Variants in RNLS observed in about 807,000 individuals in gnomAD.
RNLS encodes the protein renalase.
RNLS carries 39 observed loss-of-function variants against 39.8 expected under a neutral mutation model. The observed-to-expected ratio is 0.98, with a 90% CI of 0.76 to 1.28. The LOEUF (loss-of-function observed/expected upper bound fraction) is 1.28. Ranked by LOEUF, RNLS falls within the 50% of genes most tolerant of loss-of-function variation. RNLS has a pLI of 0.00. For synonymous variants in RNLS, 147 were observed against 150.7 expected, an observed-to-expected ratio of 0.98 and a Z score of 0.18; for missense variants, 410 against 413.3, an observed-to-expected ratio of 0.99 and a Z score of 0.07.
chr10:88,232,507 T>C, the RNLS span, among the ~76,000 whole-genome samples: 1 of 152,190 alleles, frequency 6.6e-6, no homozygotes, highest in African/African-American at 2.4e-5. Context: ...ACTCCAACTC[T>C]TGGGCTCAAG....
intron 5 of RNLS, among the ~76,000 whole-genome samples, chr10:88,352,252 G>A (rs1848772394): frequency 6.6e-6 from 1 of 152,170 alleles, no homozygotes; most frequent in South Asian, 2.1e-4. Context: ...TAGGAGTGGT[G>A]AGAGAGGGCA....
intron 6 of RNLS, among the ~76,000 whole-genome samples, chr10:88,275,534 A>AAATTGTGAT (rs1415106870): frequency 3.3e-5 from 5 of 152,216 alleles, no homozygotes; most frequent in African/African-American, 4.8e-5. Flanking sequence ...ATGGACAAAT[A>AAATTGTGAT]AATTGTGATA....
At chr10:88,436,228 A>G (rs2133828416) in intron 4 of RNLS, among the ~76,000 whole-genome samples, 1 of 152,286 alleles carries the variant, frequency 6.6e-6, no homozygotes, top group South Asian at 2.1e-4. Context: ...TGATAAGGTA[A>G]CTTACCTTTA....
the RNLS span, among the ~76,000 whole-genome samples, chr10:88,198,693 C>T: frequency 2.0e-5 from 3 of 152,202 alleles, no homozygotes; most frequent in East Asian, 3.9e-4. Context: ...CTCTTTCTTC[C>T]TCCTGCTCCA....
intron 4 of RNLS, among the ~76,000 whole-genome samples, chr10:88,416,874 G>A (rs1217072473): frequency 6.6e-6 from 1 of 152,128 alleles, no homozygotes; most frequent in Non-Finnish European, 1.5e-5. Flanking sequence ...AGAATATTGG[G>A]GCCCCAAGAT....
intron 4 of RNLS, among the ~76,000 whole-genome samples, chr10:88,448,718 C>G (rs1237411909): frequency 6.6e-6 from 1 of 152,216 alleles, no homozygotes; most frequent in African/African-American, 2.4e-5. Context: ...TATTGAGGCA[C>G]TGTTCACAAT....
chr10:88,421,469 CAGTTCTA>C (rs1256328433), intron 4 of RNLS, among the ~76,000 whole-genome samples: 1 of 152,182 alleles, frequency 6.6e-6, no homozygotes, highest in African/African-American at 2.4e-5. Flanking sequence ...ACTCTGTAGG[CAGTTCTA>C]ATATCTTCAA....
chr10:88,479,793 CTTT>C (rs11293313), intron 4 of RNLS, among the ~76,000 whole-genome samples: 6 of 139,310 alleles, frequency 4.3e-5, no homozygotes, highest in Admixed American at 1.4e-4. Context: ...TTCTTTTTTT[CTTT>C]TTTTTTTTTT....
intron 5 of RNLS, among the ~76,000 whole-genome samples, chr10:88,353,116 G>A (rs572202253): frequency 8.4e-4 from 128 of 152,012 alleles, no homozygotes; most frequent in African/African-American, 2.8e-3. Flanking sequence ...TCTTGGTAGC[G>A]GTCTATCAAT....
the RNLS span, among the ~76,000 whole-genome samples, chr10:88,256,479 G>A: frequency 1.3e-5 from 2 of 152,190 alleles, no homozygotes; most frequent in South Asian, 2.1e-4. Context: ...AAGGTCGGCG[G>A]GAACTCGGCC....
intron 4 of RNLS, among the ~76,000 whole-genome samples, chr10:88,407,679 C>G (rs957796962): frequency 6.6e-6 from 1 of 152,092 alleles, no homozygotes; most frequent in African/African-American, 2.4e-5. Flanking sequence ...GTGGTACCTA[C>G]TGCTGCCCTA....
the RNLS span, among the ~76,000 whole-genome samples, chr10:88,240,265 G>A: frequency 6.6e-6 from 1 of 152,154 alleles, no homozygotes; most frequent in Admixed American, 6.5e-5. Flanking sequence ...GTAAACTGCT[G>A]GCAGCTTTGG....
chr10:88,324,371 G>A (rs769969163), intron 5 of RNLS, among the ~76,000 whole-genome samples: 1 of 146,196 alleles, frequency 6.8e-6, no homozygotes, highest in Non-Finnish European at 1.5e-5. Flanking sequence ...AGAAAATGTG[G>A]TATACATACA....
chr10:88,558,911 T>C (rs1298183402), intron 4 of RNLS, among the ~76,000 whole-genome samples: 1 of 152,080 alleles, frequency 6.6e-6, no homozygotes, highest in Non-Finnish European at 1.5e-5. Flanking sequence ...ACAGACCAGC[T>C]CGTGTCAGAA....
intron 4 of RNLS, among the ~76,000 whole-genome samples, chr10:88,367,445 CTACAAGT>C (rs1850212276): frequency 6.6e-6 from 1 of 152,132 alleles, no homozygotes; most frequent in African/African-American, 2.4e-5. Context: ...TACGTATACA[CTACAAGT>C]TACTTATCCA....
intron 5 of RNLS, among the ~76,000 whole-genome samples, chr10:88,353,687 G>A (rs1848914438): frequency 6.6e-6 from 1 of 152,206 alleles, no homozygotes. Flanking sequence ...TGTATATTCT[G>A]TTGATTTGAG....
chr10:88,220,161 G>A, the RNLS span, among the ~76,000 whole-genome samples: 126 of 152,342 alleles, frequency 8.3e-4, no homozygotes, highest in African/African-American at 2.8e-3. Flanking sequence ...AATCCAGAAA[G>A]AGGACAATGC....
intron 4 of RNLS, among the ~76,000 whole-genome samples, chr10:88,463,421 C>A (rs1843037643): frequency 6.6e-6 from 1 of 151,998 alleles, no homozygotes; most frequent in African/African-American, 2.4e-5. Context: ...TCAGAAGGAA[C>A]TAACCGTACC....
intron 4 of RNLS, among the ~76,000 whole-genome samples, chr10:88,561,841 C>A (rs1849208078): frequency 1.3e-5 from 2 of 151,966 alleles, no homozygotes; most frequent in African/African-American, 2.4e-5. Context: ...TCATAAAAAA[C>A]AAATAATCCA....
Sources: gnomAD v4.1 joint callset for allele counts (sites outside exome capture counted in the v4.1 genomes callset) on GRCh38, gnomAD v4.1.1 for gene constraint, MANE v1.5 for transcripts, NCBI Gene and HGNC (gene_info 2026-07-23, HGNC 2026-07-21) for gene names.